ELP3: variants seen among roughly 807,000 people sequenced by gnomAD.
ELP3 encodes elongator acetyltransferase complex subunit 3, also known as elongator complex protein 3.
In ELP3, 56 loss-of-function variants were observed where a neutral mutation model predicts 74.9. That is an observed-to-expected ratio of 0.75 (90% CI 0.60 to 0.93). The LOEUF is 0.93. Ranked by LOEUF, ELP3 falls within the 40% of genes least tolerant of loss-of-function variation. The probability of loss-of-function intolerance (pLI) is 0.00; values close to 1 mark genes in which losing one functional copy is unlikely to be tolerated. For synonymous variants in ELP3, 222 were observed against 239.8 expected, an observed-to-expected ratio of 0.93 and a Z score of 0.68; for missense variants, 573 against 686.5, an observed-to-expected ratio of 0.83 and a Z score of 1.85.
chr8:28,160,215 T>A lies in ELP3; in HGVS notation c.1258-14T>A. The A allele has an allele frequency of 6.3e-7, 1 of 1,598,646 alleles. No homozygotes were observed. The highest frequency in any genetic ancestry group is 8.5e-7 in the Non-Finnish European group (1 of 1,172,718). On this transcript the variant is annotated splice_polypyrimidine_tract_variant and intron_variant, in intron 12 of 14. Coordinates refer to ENST00000256398, the MANE Select transcript of ELP3 (RefSeq NM_018091.6). ...AATTTTGAATAATATTTTTTGTGGC[T>A]TTTTACTAAATAGGTTGAATTGGTA...
intron 5 of ELP3, among the ~76,000 whole-genome samples, chr8:28,110,072 T>C (rs561245424): frequency 1.3e-5 from 2 of 152,360 alleles, no homozygotes; most frequent in East Asian, 3.9e-4. Context: ...TGCACATCTA[T>C]GTCTGTGAGC....
At chr8:28,125,256 T>A (rs1812525631) in intron 7 of ELP3, among the ~76,000 whole-genome samples, 1 of 152,250 alleles carries the variant, frequency 6.6e-6, no homozygotes, top group Admixed American at 6.5e-5. Context: ...ATGTTGTGAC[T>A]AACGAAAATG....
intron 14 of ELP3, among the ~76,000 whole-genome samples, chr8:28,178,169 A>G (rs1384129338): frequency 1.3e-5 from 2 of 152,192 alleles, no homozygotes; most frequent in African/African-American, 4.8e-5. Context: ...TATAAATGAG[A>G]AATTTCTCAT....
At chr8:28,176,316 T>G (rs1814750757) in intron 14 of ELP3, among the ~76,000 whole-genome samples, 1 of 152,198 alleles carries the variant, frequency 6.6e-6, no homozygotes, top group Non-Finnish European at 1.5e-5. Context: ...GGAAGTGAGA[T>G]GGGGTCAAAA....
chr8:28,157,998 TTTCCTTCC>T (rs796269743), intron 11 of ELP3, among the ~76,000 whole-genome samples: 4 of 149,804 alleles, frequency 2.7e-5, no homozygotes, highest in South Asian at 4.3e-4. Context: ...TCCTTCCTTC[TTTCCTTCC>T]TTCCTTCCTT....
At chr8:28,183,723 C>G (rs919585971) in intron 14 of ELP3, among the ~76,000 whole-genome samples, 3 of 152,216 alleles carry the variant, frequency 2.0e-5, no homozygotes, top group Non-Finnish European at 1.5e-5. Flanking sequence ...GGACTCTCCC[C>G]ACTCCTGCCG....
At chr8:28,184,152 A>T (rs1815137794) in intron 14 of ELP3, among the ~76,000 whole-genome samples, 1 of 152,178 alleles carries the variant, frequency 6.6e-6, no homozygotes, top group Non-Finnish European at 1.5e-5. Flanking sequence ...TTGTAGAAAC[A>T]GGAGGAAATT....
chr8:28,175,725 T>G (rs950995450), intron 14 of ELP3, among the ~76,000 whole-genome samples: 82 of 152,042 alleles, frequency 5.4e-4, no homozygotes, highest in African/African-American at 1.8e-3. Flanking sequence ...ACTACACAAT[T>G]AGTATAATGT....
At chr8:28,115,447 G>A (rs1407564714) in intron 7 of ELP3, among the ~76,000 whole-genome samples, 1 of 152,186 alleles carries the variant, frequency 6.6e-6, no homozygotes, top group African/African-American at 2.4e-5. Flanking sequence ...AAAGGTGGCA[G>A]AATAATGGTC....
intron 5 of ELP3, among the ~76,000 whole-genome samples, chr8:28,108,716 CAA>C (rs1811798891): frequency 6.6e-6 from 1 of 152,242 alleles, no homozygotes; most frequent in South Asian, 2.1e-4. Context: ...CTTGGCTTCC[CAA>C]AATGTTGGGA....
intron 10 of ELP3, among the ~76,000 whole-genome samples, chr8:28,142,956 G>A (rs1444469637): frequency 6.6e-6 from 1 of 151,948 alleles, no homozygotes; most frequent in Admixed American, 6.6e-5. Context: ...GATGCATTAT[G>A]TTACTTTATG....
chr8:28,159,339 T>G lies in ELP3; in HGVS notation c.1257+706T>G, dbSNP rs1019691777. On this transcript the variant is annotated intron_variant, in intron 12 of 14. Transcript: ENST00000256398. ...GCATGAATCAGTTAATTGACATTTTTCACATTTAGGACCTTTTGAGAGAAA... is the reference window on the plus strand; with the variant it reads ...GCATGAATCAGTTAATTGACATTTTGCACATTTAGGACCTTTTGAGAGAAA... Among the ~76,000 whole-genome samples, 3 of 152,218 alleles carry G rather than the reference T, an allele frequency of 2.0e-5. No individual in the cohort carries two copies. In the East Asian group the frequency reaches 5.8e-4, roughly 29 times the overall value.
intron 10 of ELP3, among the ~76,000 whole-genome samples, chr8:28,151,312 C>A (rs1055715303): frequency 2.0e-5 from 3 of 151,878 alleles, no homozygotes; most frequent in African/African-American, 7.3e-5. Context: ...AGATTTCCAT[C>A]TTTCTGCTTA....
intron 14 of ELP3, among the ~76,000 whole-genome samples, chr8:28,164,328 A>G (rs535392310): frequency 6.6e-6 from 1 of 152,308 alleles, no homozygotes; most frequent in East Asian, 1.9e-4. Context: ...TTTTATCATA[A>G]TCTAAATAAT....
In ELP3 at chr8:28,147,568, G is replaced by A. The variant is rs1585708094; in HGVS notation, c.1101-8374G>A. On this transcript the variant is annotated intron_variant, in intron 10 of 14. Coordinates refer to ENST00000256398, the MANE Select transcript of ELP3 (RefSeq NM_018091.6). This position sits in a 1 kb window ranked among gnomAD's most constrained non-coding sequence, Gnocchi z 4.5. ...ATTGGAATTATCAGTATGAACTTAC[G>A]GGTTTAAAAATTTATATATAGAAAT... Among the ~76,000 whole-genome samples the A allele has an allele frequency of 1.3e-5, 2 of 152,188 alleles. No homozygotes were observed. The highest frequency in any genetic ancestry group is 4.1e-4 in the South Asian group (2 of 4,822).
Position 28,110,369 on chromosome 8 carries a change from G to A in ELP3, c.394-1G>A, listed in dbSNP as rs1811868347. The A allele has an allele frequency of 6.2e-7, 1 of 1,612,892 alleles. No individual in the cohort carries two copies. The highest frequency in any genetic ancestry group is 8.5e-7 in the Non-Finnish European group (1 of 1,179,558). ...GGCATAACAATATTTTTCTCTTCTAGCCAACCTCCATGAGAGCTATCCGTG... is the reference window on the plus strand; with the variant it reads ...GGCATAACAATATTTTTCTCTTCTAACCAACCTCCATGAGAGCTATCCGTG... On this transcript the variant is annotated splice_acceptor_variant, in intron 5 of 14. Transcript: ENST00000256398. LOFTEE classifies it high-confidence loss of function.
At chr8:28,130,986 C>T (rs1463574196) in intron 8 of ELP3, among the ~76,000 whole-genome samples, 1 of 152,116 alleles carries the variant, frequency 6.6e-6, no homozygotes, top group Non-Finnish European at 1.5e-5. Flanking sequence ...CATAAAGCTA[C>T]AATGTGATGG....
Position 28,108,288 on chromosome 8 carries a change from A to G in ELP3, c.393+312A>G, listed in dbSNP as rs192231896. Among the ~76,000 whole-genome samples the G allele has an allele frequency of 9.6e-4, 146 of 152,260 alleles. 1 individual carries two copies. The highest frequency in any genetic ancestry group is 3.4e-3 in the African/African-American group (141 of 41,538). On this transcript the variant is annotated intron_variant, in intron 5 of 14. Transcript: ENST00000256398. ...ACACTATCATGATCCCAGTTTGCCA[A>G]TCAGGAAACTAGGGCATAGCAGGCT...
intron 2 of ELP3, 90 bp from the exon 3 acceptor site, chr8:28,099,738 G>C (rs988990179): frequency 8.6e-6 from 12 of 1,402,552 alleles, no homozygotes; most frequent in South Asian, 3.5e-5. Context: ...GAGAGTGACA[G>C]TTGTTAATGA....
Sources: gnomAD v4.1 joint callset for allele counts (sites outside exome capture counted in the v4.1 genomes callset) on GRCh38, gnomAD v4.1.1 for gene constraint, Gnocchi (gnomAD v3.1) non-coding constraint, MANE v1.5 for transcripts, NCBI Gene and HGNC (gene_info 2026-07-23, HGNC 2026-07-21) for gene names.